The following SCAPER variants were observed in gnomAD, a reference collection of about 807,000 sequenced individuals.
The protein encoded by SCAPER is S-phase cyclin A associated protein in the ER, also known as S phase cyclin A-associated protein in the endoplasmic reticulum.
A neutral mutation model predicts 182.2 loss-of-function variants in SCAPER; 98 were observed. The ratio of observed to expected loss-of-function variants is 0.54; its 90% CI spans 0.46 to 0.64. The LOEUF is 0.64. Ranked by LOEUF, SCAPER falls within the 30% of genes least tolerant of loss-of-function variation. The pLI is 0.00. For missense variants in SCAPER, 1,432 were observed against 1,690.0 expected (o/e 0.85, Z 2.68); for synonymous variants, 605 against 564.6 (o/e 1.07, Z -1.01).
At chr15:76,475,237 A>G (rs1249292065) in intron 24 of SCAPER, among the ~76,000 whole-genome samples, 2 of 152,112 alleles carry the variant, frequency 1.3e-5, no homozygotes, top group African/African-American at 2.4e-5. Context: ...ATAAATTTAC[A>G]TTTATTTTTT....
chr15:76,376,708 T>C (rs1322214883), intron 28 of SCAPER, among the ~76,000 whole-genome samples: 1 of 152,234 alleles, frequency 6.6e-6, no homozygotes, highest in African/African-American at 2.4e-5. Flanking sequence ...AACACTTTTT[T>C]TTCTGAAGGA....
intron 3 of SCAPER, among the ~76,000 whole-genome samples, chr15:76,858,611 C>G (rs1268483810): frequency 6.6e-6 from 1 of 152,172 alleles, no homozygotes; most frequent in Non-Finnish European, 1.5e-5. Flanking sequence ...AATCCTCACT[C>G]TCCTCCCACC....
At chr15:76,535,681 T>C (rs536039974) in intron 23 of SCAPER, among the ~76,000 whole-genome samples, 4 of 151,980 alleles carry the variant, frequency 2.6e-5, no homozygotes, top group Non-Finnish European at 5.9e-5. Context: ...ATTGCTGGCC[T>C]ACAGAAATGC....
intron 21 of SCAPER, among the ~76,000 whole-genome samples, chr15:76,662,549 T>C (rs950544961): frequency 2.0e-5 from 3 of 152,020 alleles, no homozygotes; most frequent in Non-Finnish European, 4.4e-5. Flanking sequence ...ATCAATGAAA[T>C]AGAACTGAAC....
intron 1 of SCAPER, among the ~76,000 whole-genome samples, chr15:76,887,763 A>T (rs984387686): frequency 1.3e-5 from 2 of 152,214 alleles, no homozygotes; most frequent in African/African-American, 2.4e-5. Context: ...ACTTGTGCAG[A>T]CTTAAACGTC....
At chr15:76,440,938 T>TTTTG (rs1567144434) in intron 25 of SCAPER, among the ~76,000 whole-genome samples, 1 of 126,276 alleles carries the variant, frequency 7.9e-6, no homozygotes, top group East Asian at 2.1e-4. Context: ...TTTTTTTTTT[T>TTTTG]GGGGACGGAG....
rs16968263 is a variant in SCAPER at position 76,471,171 on chromosome 15, A to T, written c.3078+41T>A. ...TTTTCTCCACAGGGACTATTTCTCA[A>T]ACCTTAACTGCTTCTAACTCAAAGC... is the stretch of plus-strand genomic sequence containing the variant. On this transcript the variant is annotated intron_variant, in intron 25 of 31. Coordinates refer to ENST00000563290, the MANE Select transcript of SCAPER (RefSeq NM_020843.4). The T allele has an allele frequency of 1.0e-3, 1,563 of 1,524,890 alleles. 19 individuals are homozygous for T. The African/African-American group carries it at 0.018, about 17-fold the overall frequency. The allele number at this position is 1,524,890 out of a possible 1,614,324, so 94.5% of individuals were successfully genotyped here.
At chr15:76,618,323 G>A (rs2051687674) in intron 22 of SCAPER, among the ~76,000 whole-genome samples, 1 of 152,154 alleles carries the variant, frequency 6.6e-6, no homozygotes, top group African/African-American at 2.4e-5. Flanking sequence ...TCATGTGTGA[G>A]TGCAGCTTTA....
chr15:76,842,570 T>C (rs1184595975), intron 4 of SCAPER, among the ~76,000 whole-genome samples: 1 of 152,142 alleles, frequency 6.6e-6, no homozygotes, highest in African/African-American at 2.4e-5. Flanking sequence ...TTAAACCTCT[T>C]TCCTTTTAAA....
intron 17 of SCAPER, among the ~76,000 whole-genome samples, chr15:76,720,788 T>C (rs1288455255): frequency 6.6e-6 from 1 of 152,152 alleles, no homozygotes. Context: ...TTTTTTCCTG[T>C]AAATTTGTTT....
At chr15:76,729,673 T>G (rs1460323038) in intron 16 of SCAPER, among the ~76,000 whole-genome samples, 2 of 152,250 alleles carry the variant, frequency 1.3e-5, no homozygotes, top group East Asian at 1.9e-4. Context: ...TGTGCCTTAC[T>G]TTTCTAGAAG....
chr15:76,359,321 G>A (rs1202126303), intron 29 of SCAPER, among the ~76,000 whole-genome samples: 2 of 152,196 alleles, frequency 1.3e-5, no homozygotes, highest in East Asian at 3.9e-4. Context: ...TGCCACGTAG[G>A]AAGCCATTGC....
chr15:76,649,160 C>T (rs983208241), intron 21 of SCAPER, among the ~76,000 whole-genome samples: 1 of 152,192 alleles, frequency 6.6e-6, no homozygotes, highest in Non-Finnish European at 1.5e-5. Context: ...TGTACTTAAA[C>T]TCACTCCTTG....
intron 17 of SCAPER, among the ~76,000 whole-genome samples, chr15:76,719,857 T>C (rs946195394): frequency 6.6e-6 from 1 of 151,986 alleles, no homozygotes; most frequent in Non-Finnish European, 1.5e-5. Context: ...AAAAAAAATC[T>C]AAGATTAATT....
chr15:76,424,595 T>C (rs1028828864), intron 26 of SCAPER, among the ~76,000 whole-genome samples: 6 of 152,222 alleles, frequency 3.9e-5, no homozygotes, highest in Admixed American at 2.0e-4. Flanking sequence ...TGTCTTTTAA[T>C]TGGAGCATTT....
intron 24 of SCAPER, among the ~76,000 whole-genome samples, chr15:76,474,376 A>G (rs1167780058): frequency 6.6e-6 from 1 of 152,184 alleles, no homozygotes; most frequent in East Asian, 1.9e-4. Context: ...AGACCTTGTT[A>G]TACTTGTAAT....
At chr15:76,674,863 C>T (rs780235251) in intron 20 of SCAPER, among the ~76,000 whole-genome samples, 5 of 150,338 alleles carry the variant, frequency 3.3e-5, no homozygotes, top group African/African-American at 4.9e-5. Context: ...TACATTGGCA[C>T]GCATAAAGTA....
chr15:76,806,045 T>TA (rs2066139266), intron 5 of SCAPER, among the ~76,000 whole-genome samples: 1 of 152,224 alleles, frequency 6.6e-6, no homozygotes, highest in African/African-American at 2.4e-5. Context: ...TTCCATTTGA[T>TA]AGTATCCTTT....
intron 26 of SCAPER, among the ~76,000 whole-genome samples, chr15:76,432,011 G>A (rs1008816991): frequency 2.0e-5 from 3 of 152,190 alleles, no homozygotes; most frequent in African/African-American, 7.2e-5. Flanking sequence ...TAATGTATGT[G>A]AAAATGTACG....
Sources: allele counts gnomAD v4.1 joint callset (sites outside exome capture counted in the v4.1 genomes callset), GRCh38; gene constraint gnomAD v4.1.1; transcripts MANE v1.5; gene names NCBI Gene and HGNC (gene_info 2026-07-23, HGNC 2026-07-21).